The following SGIP1 variants were observed in gnomAD, a reference collection of about 807,000 sequenced individuals.
SGIP1 encodes the protein SH3-containing GRB2-like protein 3-interacting protein 1.
Under a neutral mutation model 107.5 loss-of-function variants are expected in SGIP1, and 38 were observed. The observed-to-expected ratio is 0.35, with a 90% confidence interval of 0.27 to 0.46. The LOEUF is 0.46. Among genes scored for constraint, SGIP1 ranks in the 20% least tolerant of loss-of-function variants. SGIP1 has a pLI of 1.00. For missense variants in SGIP1, 929 were observed against 1,019.5 expected, an observed-to-expected ratio of 0.91 and a Z score of 1.21; for synonymous variants, 365 against 366.1, an observed-to-expected ratio of 1.00 and a Z score of 0.03.
At chr1:66,733,996 A>G (rs1466507413) in intron 21 of SGIP1, 116 bp downstream of exon 21, 13 of 1,158,100 alleles carry the variant, frequency 1.1e-5, no homozygotes, top group Non-Finnish European at 1.5e-5. Flanking sequence ...TTTAAAAGCT[A>G]TAACTCATTT....
Position 66,739,211 on chromosome 1 carries a change from A to G in SGIP1, c.2032-124A>G, listed in dbSNP as rs997698555. ...TTGAAGCACCCAGCTCTCTCACAGC[A>G]CGCTTCACGGTGCCTCTCACTCACG... On this transcript the variant is annotated intron_variant, in intron 21 of 24. Transcript: ENST00000371037. The G allele has an allele frequency of 3.0e-6, 3 of 1,006,622 alleles. No individual in the cohort carries two copies. The African/African-American group carries it at 5.1e-5, about 17-fold the overall frequency. The allele number at this position is 1,006,622 out of a possible 1,614,324, so 62.4% of individuals were successfully genotyped here.
chr1:66,563,241 C>A (rs1483417136), intron 1 of SGIP1, among the ~76,000 whole-genome samples: 1 of 151,958 alleles, frequency 6.6e-6, no homozygotes, highest in Non-Finnish European at 1.5e-5. Context: ...TGTCTCAGGG[C>A]CGGCACGGGA....
intron 13 of SGIP1, among the ~76,000 whole-genome samples, chr1:66,677,948 C>T: frequency 6.6e-6 from 1 of 152,146 alleles, no homozygotes; most frequent in Middle Eastern, 3.2e-3. Context: ...TAAAGGTGAT[C>T]ATGAGAATTA....
intron 13 of SGIP1, among the ~76,000 whole-genome samples, chr1:66,678,257 C>G (rs2085835160): frequency 6.6e-6 from 1 of 152,194 alleles, no homozygotes; most frequent in Non-Finnish European, 1.5e-5. Flanking sequence ...CCCTAGAAAA[C>G]CCTTTCCTAA....
chr1:66,616,310 G>A (rs1414800685), intron 1 of SGIP1, among the ~76,000 whole-genome samples: 1 of 152,128 alleles, frequency 6.6e-6, no homozygotes, highest in East Asian at 1.9e-4. Flanking sequence ...ATAGAGTTAT[G>A]AGGCTCCTGT....
intron 1 of SGIP1, among the ~76,000 whole-genome samples, chr1:66,547,833 G>T (rs1253666210): frequency 6.6e-6 from 1 of 152,066 alleles, no homozygotes; most frequent in Admixed American, 6.6e-5. Flanking sequence ...GGCGGTGAAG[G>T]CTACTTTAAG....
intron 14 of SGIP1, among the ~76,000 whole-genome samples, chr1:66,680,414 AGCTGTTATGT>A (rs2086422557): frequency 6.6e-6 from 1 of 152,234 alleles, no homozygotes. Context: ...AAGTAGTAAT[AGCTGTTATGT>A]GCCTGGGCCC....
intron 1 of SGIP1, among the ~76,000 whole-genome samples, chr1:66,603,680 A>C (rs1434483384): frequency 1.3e-5 from 2 of 152,172 alleles, no homozygotes; most frequent in Non-Finnish European, 2.9e-5. Flanking sequence ...TTTAAGCAAA[A>C]TGATTAAAGC....
chr1:66,639,712 G>A (rs1285517475), intron 4 of SGIP1, 65 bp from the exon 5 acceptor site: 93 of 1,325,054 alleles, frequency 7.0e-5, no homozygotes, highest in Non-Finnish European at 2.4e-5. Context: ...AGAGTTAAAT[G>A]TTCTTTGTCC....
chr1:66,572,215 C>G (rs12131909), intron 1 of SGIP1, among the ~76,000 whole-genome samples: 23,428 of 151,908 alleles, frequency 0.15, 2,360 homozygotes, highest in East Asian at 0.45. Context: ...TGTTTTTCTC[C>G]TATCCTATAA....
chr1:66,624,738 CAAG>C (rs2072170566), intron 1 of SGIP1, among the ~76,000 whole-genome samples: 3 of 152,170 alleles, frequency 2.0e-5, no homozygotes, highest in South Asian at 2.1e-4. Context: ...TCCAATTTCT[CAAG>C]AAGACTTTCC....
At chr1:66,639,893 G>C (rs1040878200) in intron 5 of SGIP1, 60 bp downstream of exon 5, 1 of 1,400,122 alleles carries the variant, frequency 7.1e-7, no homozygotes, top group African/African-American at 1.4e-5. Context: ...AATGAGTTGA[G>C]GCATTCTTAT....
intron 1 of SGIP1, among the ~76,000 whole-genome samples, chr1:66,538,665 G>A (rs1325548732): frequency 6.6e-6 from 1 of 152,150 alleles, no homozygotes; most frequent in Non-Finnish European, 1.5e-5. Flanking sequence ...CTTGGAACAT[G>A]TTTTCCCATA....
rs1431592611 is a variant in SGIP1, at chr1:66,684,038, A to C, written c.1315+1669A>C. Reference sequence around the variant, plus strand: ...AGCCCTAAATGCTTTTTGGCCCTAAATGCTTTTTGTACATTATTTCATACA... The same window carrying C: ...AGCCCTAAATGCTTTTTGGCCCTAACTGCTTTTTGTACATTATTTCATACA... On this transcript the variant is annotated intron_variant, in intron 15 of 24. Transcript: ENST00000371037. The C allele has an allele frequency of 5.2e-6, 8 of 1,539,820 alleles. No individual in the cohort carries two copies. In the Admixed American group the frequency reaches 1.2e-4, roughly 23 times the overall value.
intron 3 of SGIP1, among the ~76,000 whole-genome samples, chr1:66,633,427 A>C (rs2075194391): frequency 6.6e-6 from 1 of 152,210 alleles, no homozygotes. Flanking sequence ...TTATGGGAGA[A>C]TGTTTTTCTC....
chr1:66,669,869 C>G (rs576679277), intron 9 of SGIP1, among the ~76,000 whole-genome samples: 1 of 152,000 alleles, frequency 6.6e-6, no homozygotes, highest in Non-Finnish European at 1.5e-5. Context: ...GCCTTAGGAA[C>G]GAGGGAAAGA....
intron 1 of SGIP1, among the ~76,000 whole-genome samples, chr1:66,619,278 A>G (rs886848939): frequency 1.3e-5 from 2 of 152,238 alleles, no homozygotes; most frequent in Admixed American, 6.5e-5. Context: ...TTTTAAAGGC[A>G]GTACATTTAT....
At chr1:66,631,036 GAAGA>G (rs1242187453) in intron 2 of SGIP1, among the ~76,000 whole-genome samples, 1 of 94,298 alleles carries the variant, frequency 1.1e-5, no homozygotes, top group African/African-American at 4.2e-5. Flanking sequence ...AGGAAGGAAG[GAAGA>G]AAGGAAGAAA....
chr1:66,653,187 G>A (rs1047429209), intron 7 of SGIP1, among the ~76,000 whole-genome samples: 2 of 152,130 alleles, frequency 1.3e-5, no homozygotes, highest in African/African-American at 2.4e-5. Context: ...TGGGAAAATA[G>A]GTGGAAATTT....
Sources: gnomAD v4.1 joint callset for allele counts (sites outside exome capture counted in the v4.1 genomes callset) on GRCh38, gnomAD v4.1.1 for gene constraint, MANE v1.5 for transcripts, NCBI Gene and HGNC (gene_info 2026-07-23, HGNC 2026-07-21) for gene names.